The following TMEM273 variants were observed in gnomAD, a reference collection of about 807,000 sequenced individuals.
The protein encoded by TMEM273 is chromosome 10 open reading frame 128.
TMEM273 carries 19 observed loss-of-function variants against 17.9 expected under a neutral mutation model. The observed-to-expected ratio is 1.06, with a 90% CI of 0.74 to 1.55. The LOEUF (loss-of-function observed/expected upper bound fraction) is 1.55. TMEM273 is among the 40% of genes most tolerant of loss of function. The pLI is 0.00. For synonymous variants in TMEM273, 66 were observed against 62.0 expected (o/e 1.07, Z -0.31); for missense variants, 194 against 155.6 (o/e 1.25, Z -1.31).
intron 1 of TMEM273, among the ~76,000 whole-genome samples, chr10:49,173,821 G>A (rs1042857741): frequency 2.6e-5 from 4 of 152,184 alleles, no homozygotes; most frequent in Non-Finnish European, 5.9e-5. Flanking sequence ...TGAGTGGTAC[G>A]GAGCTCAGGA....
Position 49,188,301 on chromosome 10 carries a change from G to A in TMEM273, c.36C>T (p.Phe12=), listed in dbSNP as rs374627950. ...NLGVSMLRIL[F]LLDVGGAQVL... The stretch of plus-strand genomic sequence containing the variant: ...CCCGCAGTCCCCACTTACCCAGGAG[G>A]AAGAGGATCCTCAGCATGCTGACCC... Residue 12 remains phenylalanine, a synonymous_variant, in exon 1 of 7, where the codon TTC becomes TTT. Transcript: ENST00000374153. 102 of 1,614,184 alleles carry A rather than the reference G, an allele frequency of 6.3e-5. No individual in the cohort carries two copies. The African/African-American group carries it at 1.2e-3, about 19-fold the overall frequency.
intron 1 of TMEM273, among the ~76,000 whole-genome samples, chr10:49,169,008 C>T (rs1846382500): frequency 6.6e-6 from 1 of 152,144 alleles, no homozygotes; most frequent in Admixed American, 6.5e-5. Context: ...GAACGGGAGG[C>T]ATTGTGGTCT....
At chr10:49,186,068 G>GGAAGAAGAAGAAGAATAAGAAGAA (rs1847670081) in intron 1 of TMEM273, among the ~76,000 whole-genome samples, 5 of 67,190 alleles carry the variant, frequency 7.4e-5, no homozygotes, top group African/African-American at 2.5e-4. Context: ...AAGAAGAAGA[G>GGAAGAAGAAGAAGAATAAGAAGAA]GAAGAAGAAG....
intron 1 of TMEM273, among the ~76,000 whole-genome samples, chr10:49,173,174 C>T (rs1390077101): frequency 1.3e-5 from 2 of 152,234 alleles, no homozygotes; most frequent in Admixed American, 6.5e-5. Context: ...TGCTTTGAAG[C>T]TTCTGAATCC....
rs545764952 is a variant in TMEM273 at position 49,178,759 on chromosome 10, C to T, written c.43+9535G>A. Among the ~76,000 whole-genome samples, 5 of 152,328 alleles carry T rather than the reference C, an allele frequency of 3.3e-5. No homozygotes were observed. The South Asian group carries it at 6.2e-4, about 19-fold the overall frequency. The stretch of plus-strand genomic sequence containing the variant: ...TCTCCTTTTTCTTCTGTGAGTCCTT[C>T]GTCTCAGTATTTAACACACTGCATT... On this transcript the variant is annotated intron_variant, in intron 1 of 6. Transcript: ENST00000374153.
chr10:49,165,355 G>A (rs372364377), intron 4 of TMEM273, 72 bp from the exon 5 acceptor site: 35 of 1,548,998 alleles, frequency 2.3e-5, no homozygotes, highest in African/African-American at 4.1e-5. Flanking sequence ...CCCTGAGGAC[G>A]TGGGCTCTGT....
chr10:49,185,349 C>T (rs1300783256), intron 1 of TMEM273, among the ~76,000 whole-genome samples: 1 of 152,148 alleles, frequency 6.6e-6, no homozygotes, highest in Admixed American at 6.5e-5. Context: ...CCCGGTCATA[C>T]TTGGGATCCT....
At position 49,161,623 on chromosome 10, in the gene TMEM273, C is replaced by T; in HGVS notation, c.349-1G>A. On this transcript the variant is annotated splice_acceptor_variant, in intron 5 of 6. Coordinates refer to ENST00000374153, the MANE Select transcript of TMEM273 (RefSeq NM_001288740.3). LOFTEE classifies it high-confidence loss of function. ...CCTTTTGGAGAAATTGTGGTTTCGC[C>T]TGCAAAACAAGATAAAAGGGTGTTC... is the stretch of plus-strand genomic sequence containing the variant. 1 of 1,614,216 alleles carries T rather than the reference C, an allele frequency of 6.2e-7. No homozygotes were observed. The highest frequency in any genetic ancestry group is 8.5e-7 in the Non-Finnish European group (1 of 1,180,036).
chr10:49,161,646 T>C, intron 5 of TMEM273, 24 bp from the exon 6 acceptor site: 2 of 1,614,206 alleles, frequency 1.2e-6, no homozygotes, highest in Non-Finnish European at 1.7e-6. Context: ...TAAAAGGGTG[T>C]TCATTGCCTA....
At chr10:49,156,541 C>T (rs562492839) in intron 6 of TMEM273, among the ~76,000 whole-genome samples, 17 of 152,288 alleles carry the variant, frequency 1.1e-4, no homozygotes, top group African/African-American at 2.9e-4. Flanking sequence ...AAATTCACAC[C>T]CTCACTGTAG....
intron 1 of TMEM273, among the ~76,000 whole-genome samples, chr10:49,173,137 G>T (rs1417783767): frequency 2.6e-5 from 4 of 152,220 alleles, no homozygotes; most frequent in Non-Finnish European, 5.9e-5. Flanking sequence ...TGCTGAAGAA[G>T]GTTGAGCCCA....
At chr10:49,175,127 TACA>T (rs1233760758) in intron 1 of TMEM273, among the ~76,000 whole-genome samples, 1 of 151,628 alleles carries the variant, frequency 6.6e-6, no homozygotes, top group Non-Finnish European at 1.5e-5. Flanking sequence ...GAGGACAAGG[TACA>T]AGCAAAAGCC....
chr10:49,187,932 C>A lies in TMEM273; in HGVS notation c.43+362G>T, dbSNP rs1469945714. On this transcript the variant is annotated intron_variant, in intron 1 of 6. Coordinates refer to ENST00000374153, the MANE Select transcript of TMEM273 (RefSeq NM_001288740.3). Reference sequence around the variant, plus strand: ...AATTTAACTTAACTCTCTTGAAATCCCAAAAAGTAAACATGATTATCTCCC... The same window carrying A: ...AATTTAACTTAACTCTCTTGAAATCACAAAAAGTAAACATGATTATCTCCC... Among the ~76,000 whole-genome samples the A allele has an allele frequency of 2.6e-5, 4 of 152,024 alleles. No homozygotes were observed. In the East Asian group the frequency reaches 7.7e-4, roughly 29 times the overall value.
chr10:49,184,727 C>T (rs1847560149), intron 1 of TMEM273, among the ~76,000 whole-genome samples: 1 of 152,194 alleles, frequency 6.6e-6, no homozygotes, highest in Non-Finnish European at 1.5e-5. Flanking sequence ...GGAGAATTGA[C>T]ACGACATTTC....
intron 5 of TMEM273, among the ~76,000 whole-genome samples, chr10:49,163,418 C>A (rs1052540758): frequency 6.6e-6 from 1 of 152,080 alleles, no homozygotes. Context: ...TGGTTACATG[C>A]CCTAGATGCA....
intron 1 of TMEM273, among the ~76,000 whole-genome samples, chr10:49,185,211 A>G (rs1023480233): frequency 3.3e-5 from 5 of 152,250 alleles, no homozygotes; most frequent in Non-Finnish European, 5.9e-5. Flanking sequence ...TGTTGGCTCC[A>G]TAAATGTCTG....
In TMEM273 at chr10:49,174,510, A is replaced by C. The variant is rs1437863728; in HGVS notation, c.44-6548T>G. ...TCAGAGTCCCCATCTCAAACCCCGGAACCACCTGAGATTTCTCTTCCTCAA... is the reference window on the plus strand; with the variant it reads ...TCAGAGTCCCCATCTCAAACCCCGGCACCACCTGAGATTTCTCTTCCTCAA... On this transcript the variant is annotated intron_variant, in intron 1 of 6. Transcript: ENST00000374153. Among the ~76,000 whole-genome samples the C allele has an allele frequency of 2.0e-5, 3 of 152,120 alleles. No homozygotes were observed. In the East Asian group the frequency reaches 5.8e-4, roughly 29 times the overall value.
chr10:49,166,713 TGA>T (rs765873089), intron 3 of TMEM273, 154 bp downstream of exon 3: 1 of 1,070,798 alleles, frequency 9.3e-7, no homozygotes, highest in African/African-American at 1.6e-5. Flanking sequence ...AAAGGGTTAG[TGA>T]GAGAGACAGA....
intron 1 of TMEM273, among the ~76,000 whole-genome samples, chr10:49,182,853 C>A (rs567428284): frequency 6.6e-6 from 1 of 152,024 alleles, no homozygotes; most frequent in Non-Finnish European, 1.5e-5. Context: ...TCAGGCATCC[C>A]GTGCCTCTAA....
Sources: gnomAD v4.1 joint callset for allele counts (sites outside exome capture counted in the v4.1 genomes callset) on GRCh38, gnomAD v4.1.1 for gene constraint, MANE v1.5 for transcripts, NCBI Gene and HGNC (gene_info 2026-07-23, HGNC 2026-07-21) for gene names.